The following NR3C1 variants were observed in gnomAD, a reference collection of about 807,000 sequenced individuals.
NR3C1 encodes the protein nuclear receptor subfamily 3 group C member 1.
In NR3C1, 14 loss-of-function variants were observed where a neutral mutation model predicts 74.0. That is an observed-to-expected ratio of 0.19 (90% CI 0.12 to 0.30). The LOEUF is 0.30. Among genes scored for constraint, NR3C1 ranks in the 10% least tolerant of loss-of-function variants. The probability of loss-of-function intolerance (pLI) is 1.00; values close to 1 mark genes in which losing one functional copy is unlikely to be tolerated. For missense variants in NR3C1, 695 were observed against 909.8 expected (o/e 0.76, Z 3.04); for synonymous variants, 308 against 332.5 (o/e 0.93, Z 0.80).
At chr5:143,315,310 T>C (rs1821832959) in intron 2 of NR3C1, among the ~76,000 whole-genome samples, 1 of 152,188 alleles carries the variant, frequency 6.6e-6, no homozygotes, top group African/African-American at 2.4e-5. Flanking sequence ...GAACCAAAAC[T>C]GTATTATGCA....
chr5:143,382,777 A>G (rs1836489049), intron 2 of NR3C1, among the ~76,000 whole-genome samples: 1 of 152,220 alleles, frequency 6.6e-6, no homozygotes, highest in Non-Finnish European at 1.5e-5. Context: ...ACGGGAGCAT[A>G]CTTCTTCGTG....
chr5:143,328,187 A>G (rs921164492), intron 2 of NR3C1, among the ~76,000 whole-genome samples: 1 of 152,202 alleles, frequency 6.6e-6, no homozygotes, highest in African/African-American at 2.4e-5. Flanking sequence ...TGGGGCTTGC[A>G]CCCTCTGAAG....
Position 143,400,809 on chromosome 5 carries a change from T to C in NR3C1, c.31A>G (p.Arg11Gly). MDSKESLTPG[R>G]EENPSSVLAQ... The stretch of plus-strand genomic sequence containing the variant: ...AGCACACTGCTGGGGTTTTCTTCTC[T>C]ACCAGGAGTTAATGATTCTTTGGAG... Residue 11 changes from arginine (R) to glycine (G), a missense_variant, in exon 2 of 9, where the codon AGA (arginine) becomes GGA (glycine). By Grantham distance (125) the Arg-to-Gly change is moderately radical. Transcript: ENST00000394464. 1.2e-6 allele frequency: 2 copies of C among 1,614,056 alleles called. No individual in the cohort carries two copies. Among genetic ancestry groups the C allele is most frequent in the South Asian group, 1.1e-5 (1 of 91,082 alleles).
chr5:143,304,075 A>C (rs546120844), intron 4 of NR3C1, among the ~76,000 whole-genome samples: 1 of 152,306 alleles, frequency 6.6e-6, no homozygotes, highest in Admixed American at 6.5e-5. Context: ...CAGAACAATC[A>C]GGTAAGAGAA....
At chr5:143,385,681 C>A (rs756899306) in intron 2 of NR3C1, among the ~76,000 whole-genome samples, 8 of 152,220 alleles carry the variant, frequency 5.3e-5, no homozygotes, top group Non-Finnish European at 8.8e-5. Flanking sequence ...TGCTCCAGTT[C>A]CCAATAAGTG....
At chr5:143,318,060 G>A (rs1822536579) in intron 2 of NR3C1, among the ~76,000 whole-genome samples, 1 of 151,980 alleles carries the variant, frequency 6.6e-6, no homozygotes. Flanking sequence ...CATTTTAGGG[G>A]GTTTGTGTGG....
chr5:143,403,723 A>G (rs1840804320), upstream of NR3C1: 1 of 984,916 alleles, frequency 1.0e-6, no homozygotes. Context: ...ACGCGCTCCC[A>G]CTCCACCCCC....
chr5:143,363,636 A>G (rs1832680574), intron 2 of NR3C1, among the ~76,000 whole-genome samples: 1 of 152,176 alleles, frequency 6.6e-6, no homozygotes, highest in African/African-American at 2.4e-5. Flanking sequence ...GACATAAACT[A>G]TGTCTAAAGA....
At position 143,337,298 on chromosome 5, in the gene NR3C1, C is replaced by T. The variant is rs141146956; in HGVS notation, c.1185-23130G>A. Among the ~76,000 whole-genome samples, 457 of 152,166 alleles carry T rather than the reference C, an allele frequency of 3.0e-3. 2 individuals are homozygous for T. The highest frequency in any genetic ancestry group is 0.027 in the Middle Eastern group (8 of 292). ...GTAATCAGGGAAATGCAAATTAAAA[C>T]GACAATAAAATAACTTACATACCCA... is the stretch of plus-strand genomic sequence containing the variant. On this transcript the variant is annotated intron_variant, in intron 2 of 8. Coordinates refer to ENST00000394464, the MANE Select transcript of NR3C1 (RefSeq NM_000176.3).
At chr5:143,425,194 A>G (rs1235396028) in intron 1 of NR3C1, among the ~76,000 whole-genome samples, 2 of 152,220 alleles carry the variant, frequency 1.3e-5, no homozygotes, top group African/African-American at 4.8e-5. Flanking sequence ...GCTACATGCA[A>G]AAGAATATTT....
At position 143,403,404 on chromosome 5, in the gene NR3C1, G is replaced by C. The variant is rs1002265600; in HGVS notation, c.-207C>G. The C allele has an allele frequency of 1.0e-6, 1 of 985,302 alleles. No individual in the cohort carries two copies. The highest frequency in any genetic ancestry group is 1.2e-6 in the Non-Finnish European group (1 of 829,942). 61.0% of individuals were successfully genotyped at this position (985,302 alleles called of 1,614,324 possible). A position where few individuals can be genotyped will look rare whatever the true frequency, so the allele number is the denominator to read the frequency against. On this transcript the variant is annotated 5_prime_UTR_variant, in exon 1 of 9. Transcript: ENST00000394464. ...ATTTAAGAAAGTCTCCCATTGCCCA[G>C]CTGACAAGCCAGCCCTCCGCCCCGC...
chr5:143,353,983 G>C (rs1256961252), intron 2 of NR3C1, among the ~76,000 whole-genome samples: 6 of 152,194 alleles, frequency 3.9e-5, no homozygotes, highest in South Asian at 2.1e-4. Context: ...ATCTTAGCTA[G>C]ATCTTCTACA....
chr5:143,429,686 G>A (rs1751711411), intron 1 of NR3C1, among the ~76,000 whole-genome samples: 2 of 152,088 alleles, frequency 1.3e-5, no homozygotes, highest in Admixed American at 1.3e-4. Context: ...AAAATGAGAG[G>A]CAATGTAACA....
intron 2 of NR3C1, among the ~76,000 whole-genome samples, chr5:143,390,593 G>C (rs946787519): frequency 6.6e-6 from 1 of 152,084 alleles, no homozygotes; most frequent in Admixed American, 6.6e-5. Flanking sequence ...CAAGAAGAGG[G>C]AATATATAAA....
chr5:143,404,001 C>T (rs1840853611), upstream of NR3C1: 7 of 985,052 alleles, frequency 7.1e-6, no homozygotes, highest in Non-Finnish European at 8.4e-6. Context: ...CTCTCTGGGG[C>T]GGCGTTAAGA....
chr5:143,391,740 G>A (rs1419526791), intron 2 of NR3C1, among the ~76,000 whole-genome samples: 2 of 151,994 alleles, frequency 1.3e-5, no homozygotes, highest in Non-Finnish European at 2.9e-5. Context: ...GCATTTGAAG[G>A]CTTTAAAATA....
At chr5:143,363,116 A>T (rs374333931) in intron 2 of NR3C1, among the ~76,000 whole-genome samples, 1 of 152,240 alleles carries the variant, frequency 6.6e-6, no homozygotes, top group Admixed American at 6.5e-5. Flanking sequence ...CACAGAGGCC[A>T]TGGGCAAAGA....
chr5:143,391,081 G>A (rs546430227), intron 2 of NR3C1, among the ~76,000 whole-genome samples: 2 of 151,822 alleles, frequency 1.3e-5, no homozygotes, highest in Non-Finnish European at 2.9e-5. Flanking sequence ...CATACACTTT[G>A]TCCTTAATAA....
chr5:143,364,664 T>A (rs1369993397), intron 2 of NR3C1, among the ~76,000 whole-genome samples: 1 of 152,202 alleles, frequency 6.6e-6, no homozygotes, highest in African/African-American at 2.4e-5. Flanking sequence ...AAAGTTTTTA[T>A]ACACTGTTGA....
Sources: allele counts gnomAD v4.1 joint callset (sites outside exome capture counted in the v4.1 genomes callset), GRCh38; gene constraint gnomAD v4.1.1; transcripts MANE v1.5; gene names NCBI Gene and HGNC (gene_info 2026-07-23, HGNC 2026-07-21).